Variants in GMDS observed in about 807,000 individuals in gnomAD.
GMDS encodes the protein GDP-mannose 4,6-dehydratase, also known as GDP-mannose 4,6 dehydratase.
GMDS carries 20 observed loss-of-function variants against 49.9 expected under a neutral mutation model. That is an observed-to-expected ratio of 0.40 (90% CI 0.28 to 0.58). The LOEUF (loss-of-function observed/expected upper bound fraction) is 0.58. Among genes scored for constraint, GMDS ranks in the 20% least tolerant of loss-of-function variants. The pLI is 0.42. For synonymous variants in GMDS, 177 were observed against 178.6 expected, an observed-to-expected ratio of 0.99 and a Z score of 0.07; for missense variants, 362 against 481.4, an observed-to-expected ratio of 0.75 and a Z score of 2.32.
At chr6:1,879,579 C>A (rs776982943) in intron 7 of GMDS, among the ~76,000 whole-genome samples, 2 of 151,050 alleles carry the variant, frequency 1.3e-5, no homozygotes, top group African/African-American at 2.4e-5. Flanking sequence ...ATTATGTTAC[C>A]AAAGGTTTTT....
intron 6 of GMDS, among the ~76,000 whole-genome samples, chr6:1,942,749 G>A (rs926130442): frequency 1.7e-4 from 26 of 152,318 alleles, no homozygotes; most frequent in African/African-American, 5.3e-4. Context: ...GAAATCGGAC[G>A]TTCCTGCCAT....
intron 1 of GMDS, among the ~76,000 whole-genome samples, chr6:2,151,769 T>C (rs1043581188): frequency 6.6e-6 from 1 of 152,150 alleles, no homozygotes; most frequent in Non-Finnish European, 1.5e-5. Context: ...AAGACATCTG[T>C]GTACTGTAAA....
intron 4 of GMDS, among the ~76,000 whole-genome samples, chr6:2,105,181 C>CAACAA (rs1774169452): frequency 1.6e-5 from 1 of 64,422 alleles, no homozygotes; most frequent in Non-Finnish European, 3.2e-5. Flanking sequence ...GACTCCGTCT[C>CAACAA]AAAAAAAAAA....
At chr6:2,212,623 C>T (rs1006076105) in intron 1 of GMDS, among the ~76,000 whole-genome samples, 6 of 147,916 alleles carry the variant, frequency 4.1e-5, no homozygotes, top group African/African-American at 1.5e-4. Context: ...CTGGAGAAAA[C>T]ATCCTTAGTG....
chr6:2,091,798 GA>G (rs1307475255), intron 4 of GMDS, among the ~76,000 whole-genome samples: 1 of 152,044 alleles, frequency 6.6e-6, no homozygotes, highest in Non-Finnish European at 1.5e-5. Flanking sequence ...AGCTACTCGG[GA>G]GACTGAGGTG....
chr6:2,027,703 C>A (rs925042275), intron 4 of GMDS, among the ~76,000 whole-genome samples: 3 of 151,952 alleles, frequency 2.0e-5, no homozygotes, highest in Admixed American at 6.6e-5. Flanking sequence ...GGGTAAATAG[C>A]ATGTAATAAT....
At chr6:1,654,920 G>A (rs1581417011) in intron 9 of GMDS, among the ~76,000 whole-genome samples, 2 of 152,014 alleles carry the variant, frequency 1.3e-5, no homozygotes, top group African/African-American at 2.4e-5. Flanking sequence ...CATTAGCTGG[G>A]CGTGGTGGTG....
intron 4 of GMDS, among the ~76,000 whole-genome samples, chr6:2,033,050 CA>C (rs1769067798): frequency 6.6e-6 from 1 of 152,172 alleles, no homozygotes; most frequent in Non-Finnish European, 1.5e-5. Flanking sequence ...TTAAATCATG[CA>C]AACAGTTGAA....
chr6:2,016,847 A>T (rs1213015946), intron 4 of GMDS, among the ~76,000 whole-genome samples: 1 of 152,222 alleles, frequency 6.6e-6, no homozygotes, highest in Non-Finnish European at 1.5e-5. Context: ...AAGAGAAATT[A>T]GAATATGTAT....
chr6:2,069,586 T>C (rs1287315839), intron 4 of GMDS, among the ~76,000 whole-genome samples: 173 of 151,158 alleles, frequency 1.1e-3, no homozygotes, highest in South Asian at 6.3e-3. Context: ...AAACAAACAA[T>C]CCCATCAAAA....
At chr6:1,913,989 C>G (rs1761217459) in intron 7 of GMDS, among the ~76,000 whole-genome samples, 1 of 152,102 alleles carries the variant, frequency 6.6e-6, no homozygotes, top group Non-Finnish European at 1.5e-5. Context: ...GTATATCCAT[C>G]CTATAGATCT....
intron 7 of GMDS, among the ~76,000 whole-genome samples, chr6:1,863,265 C>T (rs1289696844): frequency 1.3e-5 from 2 of 152,044 alleles, no homozygotes; most frequent in African/African-American, 2.4e-5. Flanking sequence ...TTTAGGAAAA[C>T]CCACCATAGG....
chr6:1,669,730 T>C (rs1165331631), intron 9 of GMDS, among the ~76,000 whole-genome samples: 3 of 151,728 alleles, frequency 2.0e-5, no homozygotes, highest in African/African-American at 4.8e-5. Flanking sequence ...CTGGCCAACA[T>C]GGTGAAACTC....
At chr6:2,158,566 G>A (rs1777223234) in intron 1 of GMDS, among the ~76,000 whole-genome samples, 1 of 152,128 alleles carries the variant, frequency 6.6e-6, no homozygotes, top group Admixed American at 6.5e-5. Flanking sequence ...ATCAAAATAG[G>A]AACTTCCAAC....
chr6:1,803,058 G>A (rs75206193), intron 7 of GMDS, among the ~76,000 whole-genome samples: 5 of 152,306 alleles, frequency 3.3e-5, no homozygotes, highest in Admixed American at 1.3e-4. Flanking sequence ...TTATGTAGCT[G>A]CATGTTCAAT....
chr6:1,958,185 T>C (rs1426603657), intron 6 of GMDS, among the ~76,000 whole-genome samples: 1 of 149,972 alleles, frequency 6.7e-6, no homozygotes, highest in Non-Finnish European at 1.5e-5. Flanking sequence ...CATTAGGAGG[T>C]ACACAAAGAG....
intron 6 of GMDS, among the ~76,000 whole-genome samples, chr6:1,954,232 C>T (rs1763511302): frequency 6.6e-6 from 1 of 152,124 alleles, no homozygotes; most frequent in South Asian, 2.1e-4. Context: ...TTTTAAAAGC[C>T]CTGTACAACC....
chr6:1,627,566 A>C (rs971228937), intron 9 of GMDS, among the ~76,000 whole-genome samples: 1 of 152,188 alleles, frequency 6.6e-6, no homozygotes, highest in African/African-American at 2.4e-5. Context: ...AATCCCCTCC[A>C]ATAGGGTATA....
At chr6:1,759,646 G>A (rs6914704) in intron 7 of GMDS, among the ~76,000 whole-genome samples, 1 of 151,980 alleles carries the variant, frequency 6.6e-6, no homozygotes, top group Non-Finnish European at 1.5e-5. Context: ...GAACAGACAG[G>A]GAAGACACTG....
Sources: allele counts gnomAD v4.1 joint callset (sites outside exome capture counted in the v4.1 genomes callset), GRCh38; gene constraint gnomAD v4.1.1; transcripts MANE v1.5; gene names NCBI Gene and HGNC (gene_info 2026-07-23, HGNC 2026-07-21).